MAF: variants seen among roughly 807,000 people sequenced by gnomAD.
MAF encodes transcription factor Maf.
A neutral mutation model predicts 22.0 loss-of-function variants in MAF; 10 were observed. The observed-to-expected ratio is 0.45, with a 90% confidence interval of 0.28 to 0.77. The LOEUF is 0.77. Ranked by LOEUF, MAF falls within the 30% of genes least tolerant of loss-of-function variation. The pLI, the probability that MAF is intolerant of heterozygous loss-of-function variation, is 0.12. For missense variants in MAF, 544 were observed against 548.4 expected, an observed-to-expected ratio of 0.99 and a Z score of 0.08; for synonymous variants, 337 against 255.8, an observed-to-expected ratio of 1.32 and a Z score of -3.03.
chr16:79,532,831 T>C, the MAF span, among the ~76,000 whole-genome samples: 1 of 152,186 alleles, frequency 6.6e-6, no homozygotes, highest in Non-Finnish European at 1.5e-5. Context: ...ACATGGACCT[T>C]GTCTCGCCCT....
At chr16:79,395,568 G>C in the MAF span, among the ~76,000 whole-genome samples, 1 of 152,120 alleles carries the variant, frequency 6.6e-6, no homozygotes. Flanking sequence ...CATATGACGG[G>C]GGGCAGAGGT....
chr16:79,492,328 A>G, the MAF span, among the ~76,000 whole-genome samples: 1,157 of 152,304 alleles, frequency 7.6e-3, 7 homozygotes, highest in African/African-American at 0.027. Flanking sequence ...ATTCAACACT[A>G]TAATTAATAC....
the MAF span, among the ~76,000 whole-genome samples, chr16:79,397,379 C>A: frequency 6.6e-6 from 1 of 152,194 alleles, no homozygotes; most frequent in Admixed American, 6.5e-5. Context: ...CTGTGTTTAT[C>A]TGCCTGTCAA....
chr16:79,291,872 G>T, the MAF span, among the ~76,000 whole-genome samples: 42 of 150,302 alleles, frequency 2.8e-4, no homozygotes, highest in African/African-American at 9.6e-4. Flanking sequence ...CCTGGTGAAG[G>T]CTCACCTTGC....
the MAF span, among the ~76,000 whole-genome samples, chr16:79,549,749 C>G: frequency 6.6e-6 from 1 of 152,198 alleles, no homozygotes; most frequent in Non-Finnish European, 1.5e-5. Context: ...TCTCCTCCTC[C>G]TAGCAGTCCT....
At chr16:79,280,300 C>T in the MAF span, among the ~76,000 whole-genome samples, 1 of 152,224 alleles carries the variant, frequency 6.6e-6, no homozygotes, top group African/African-American at 2.4e-5. Context: ...GCAGACTCAC[C>T]TCAACATTTG....
chr16:79,352,637 T>C, the MAF span, among the ~76,000 whole-genome samples: 19 of 152,204 alleles, frequency 1.2e-4, no homozygotes, highest in Non-Finnish European at 2.6e-4. Flanking sequence ...CCAAGAACCC[T>C]CAGCTAATAA....
the MAF span, among the ~76,000 whole-genome samples, chr16:79,365,532 G>A: frequency 2.0e-5 from 3 of 152,074 alleles, no homozygotes; most frequent in African/African-American, 4.8e-5. Context: ...GTGATGAGGG[G>A]CCCTAGCTCT....
At chr16:79,504,867 T>G in the MAF span, among the ~76,000 whole-genome samples, 3 of 152,240 alleles carry the variant, frequency 2.0e-5, no homozygotes, top group African/African-American at 4.8e-5. Flanking sequence ...CTATGACTTG[T>G]ATGAATGCCT....
the MAF span, among the ~76,000 whole-genome samples, chr16:79,442,487 T>A: frequency 0.015 from 2,233 of 152,302 alleles, 32 homozygotes; most frequent in Non-Finnish European, 0.023. Flanking sequence ...TCCTCCCACG[T>A]TGGCACCCCA....
At chr16:79,472,334 A>G in the MAF span, among the ~76,000 whole-genome samples, 1 of 152,348 alleles carries the variant, frequency 6.6e-6, no homozygotes, top group South Asian at 2.1e-4. Flanking sequence ...ACTCATAAAG[A>G]CATTATTCAT....
At chr16:79,412,042 G>A in the MAF span, among the ~76,000 whole-genome samples, 1 of 152,200 alleles carries the variant, frequency 6.6e-6, no homozygotes, top group Non-Finnish European at 1.5e-5. Flanking sequence ...TGTGCAGACT[G>A]AGCACTTAGT....
rs751152277 is a variant in MAF at position 79,585,947 on chromosome 16, T to A, written c.1119-6A>T. ...TAGAGGATTCCCTTGGGTACCTGAT[T>A]TAGTAAATATATTAAAATAAACAAA... On this transcript the variant is annotated splice_polypyrimidine_tract_variant and splice_region_variant and intron_variant, in intron 1 of 1. Coordinates refer to the MAF transcript ENST00000569649. 6.9e-5 allele frequency: 47 copies of A among 678,224 alleles called. No individual in the cohort carries two copies. Among genetic ancestry groups the A allele is most frequent in the Non-Finnish European group, 1.2e-4 (45 of 379,440 alleles). The allele number at this position is 678,224 out of a possible 1,614,324, so 42.0% of individuals were successfully genotyped here.
chr16:79,314,906 TC>T, the MAF span, among the ~76,000 whole-genome samples: 1 of 151,966 alleles, frequency 6.6e-6, no homozygotes, highest in Non-Finnish European at 1.5e-5. Context: ...CTTCTCTAGT[TC>T]CCCCATTGCA....
chr16:79,597,503 G>C (rs1471137106), intron 1 of MAF: 1 of 1,024,042 alleles, frequency 9.8e-7, no homozygotes, highest in African/African-American at 1.7e-5. Flanking sequence ...AACATTAAGA[G>C]TTCTTCAATG....
At chr16:79,593,608 G>C (rs1024094296), downstream of MAF, among the ~76,000 whole-genome samples, 1 of 152,224 alleles carries the variant, frequency 6.6e-6, no homozygotes, top group Non-Finnish European at 1.5e-5. Flanking sequence ...TTATGGCTTT[G>C]AGACAGTGAG....
At chr16:79,590,381 G>A (rs989519979), downstream of MAF, among the ~76,000 whole-genome samples, 5 of 152,202 alleles carry the variant, frequency 3.3e-5, no homozygotes, top group African/African-American at 1.2e-4. Flanking sequence ...ATGCTCCCCG[G>A]ACCCTCTGCA....
At chr16:79,406,867 A>G in the MAF span, among the ~76,000 whole-genome samples, 13 of 152,298 alleles carry the variant, frequency 8.5e-5, no homozygotes, top group Middle Eastern at 3.4e-3. Flanking sequence ...AAGAAAGAAG[A>G]CAGTGGACCT....
the MAF span, among the ~76,000 whole-genome samples, chr16:79,219,621 A>G: frequency 6.6e-6 from 1 of 151,094 alleles, no homozygotes; most frequent in Non-Finnish European, 1.5e-5. Flanking sequence ...CTTTTCACCA[A>G]TGAGCAAACC....
Sources: gnomAD v4.1 joint callset for allele counts (sites outside exome capture counted in the v4.1 genomes callset) on GRCh38, gnomAD v4.1.1 for gene constraint, MANE v1.5 for transcripts, NCBI Gene and HGNC (gene_info 2026-07-23, HGNC 2026-07-21) for gene names.